Variants in UBE2G2 observed in about 807,000 individuals in gnomAD.
UBE2G2 encodes ubiquitin-conjugating enzyme E2 G2.
In UBE2G2, 10 loss-of-function variants were observed where a neutral mutation model predicts 23.0. The ratio of observed to expected loss-of-function variants is 0.43; its 90% CI spans 0.27 to 0.74. UBE2G2 has a LOEUF of 0.74. Among genes scored for constraint, UBE2G2 ranks in the 30% least tolerant of loss-of-function variants. The pLI is 0.19. For missense variants in UBE2G2, 150 were observed against 218.3 expected (o/e 0.69, Z 1.97); for synonymous variants, 86 against 81.3 (o/e 1.06, Z -0.31).
At chr21:44,777,269 A>G in intron 4 of UBE2G2, 30 bp downstream of exon 4, 3 of 1,579,968 alleles carry the variant, frequency 1.9e-6, no homozygotes, top group South Asian at 1.1e-5. Flanking sequence ...CTATCCTGGT[A>G]CCACAAAAAC....
At chr21:44,786,758 C>G (rs953176059) in intron 3 of UBE2G2, among the ~76,000 whole-genome samples, 4 of 152,142 alleles carry the variant, frequency 2.6e-5, no homozygotes, top group African/African-American at 9.7e-5. Flanking sequence ...AAAATCCAAC[C>G]CAAGACCTTG....
intron 4 of UBE2G2, chr21:44,777,003 C>T: frequency 3.5e-6 from 1 of 289,372 alleles, no homozygotes; most frequent in Non-Finnish European, 6.4e-6. Flanking sequence ...ATTAGCATAA[C>T]CCCTTCTGAG....
rs978829008 is a variant in UBE2G2 at position 44,773,927 on chromosome 21, G to A, written c.245-240C>T. 1.0e-4 allele frequency: 42 copies of A among 420,652 alleles called. 2 individuals are homozygous for A. The South Asian group carries it at 1.4e-3, about 14-fold the overall frequency. 26.1% of individuals were successfully genotyped at this position (420,652 alleles called of 1,614,324 possible). ...ACCCAGCCAGTTCTAATCAGCTGTCGTAGTCTAATCCACTTTCATATGAAT... is the reference window on the plus strand; with the variant it reads ...ACCCAGCCAGTTCTAATCAGCTGTCATAGTCTAATCCACTTTCATATGAAT... On this transcript the variant is annotated intron_variant, in intron 4 of 5. Coordinates refer to ENST00000345496, the MANE Select transcript of UBE2G2 (RefSeq NM_003343.6).
chr21:44,783,296 C>T (rs1366463773), intron 3 of UBE2G2, among the ~76,000 whole-genome samples: 3 of 152,228 alleles, frequency 2.0e-5, no homozygotes, highest in Non-Finnish European at 4.4e-5. Flanking sequence ...AACTGGAATG[C>T]TCATACACTG....
chr21:44,788,672 C>G (rs1569298891), intron 1 of UBE2G2, among the ~76,000 whole-genome samples: 1 of 151,810 alleles, frequency 6.6e-6, no homozygotes. Context: ...AAGGGGTACA[C>G]TGTCTTTCCA....
rs1025553830 is a variant in UBE2G2, at chr21:44,789,716, A to G, written c.44-1621T>C. On this transcript the variant is annotated intron_variant, in intron 1 of 5. Coordinates refer to ENST00000345496, the MANE Select transcript of UBE2G2 (RefSeq NM_003343.6). ...AATGGAGGCAGAGTTGAAAAGAGCC[A>G]CTGTCAGAGTCAACACGAATGATGC... Among the ~76,000 whole-genome samples the G allele has an allele frequency of 3.9e-5, 6 of 152,294 alleles. No homozygotes were observed. The East Asian group carries it at 1.2e-3, about 29-fold the overall frequency.
intron 3 of UBE2G2, chr21:44,779,110 A>T (rs1257188018): frequency 7.3e-6 from 2 of 273,360 alleles, no homozygotes; most frequent in Non-Finnish European, 1.5e-5. Context: ...GACAAAAATC[A>T]AAAAGAAACT....
chr21:44,799,943 C>G (rs1445075510), intron 1 of UBE2G2: 5 of 152,202 alleles, frequency 3.3e-5, no homozygotes, highest in African/African-American at 9.7e-5. Context: ...GTTGTTTTGT[C>G]TCAGGGAAGA....
At chr21:44,781,931 C>T (rs1229610193) in intron 3 of UBE2G2, among the ~76,000 whole-genome samples, 1 of 152,038 alleles carries the variant, frequency 6.6e-6, no homozygotes, top group Non-Finnish European at 1.5e-5. Context: ...TTATTTTTTG[C>T]AATATAGATG....
intron 1 of UBE2G2, among the ~76,000 whole-genome samples, chr21:44,795,684 C>T (rs544302459): frequency 5.9e-5 from 9 of 151,960 alleles, no homozygotes; most frequent in Admixed American, 1.3e-4. Flanking sequence ...CAACTGGCCA[C>T]GCGAAGTGTC....
intron 5 of UBE2G2, 40 bp downstream of exon 5, chr21:44,773,507 G>C (rs1555960169): frequency 6.3e-7 from 1 of 1,588,072 alleles, no homozygotes; most frequent in South Asian, 1.1e-5. Context: ...CTGCAGCCTG[G>C]GTGTCCACGG....
At chr21:44,778,419 T>C (rs1363186803) in intron 3 of UBE2G2, among the ~76,000 whole-genome samples, 1 of 152,238 alleles carries the variant, frequency 6.6e-6, no homozygotes, top group Non-Finnish European at 1.5e-5. Context: ...CCTGGACCTA[T>C]ACTTTCCTCA....
intron 3 of UBE2G2, among the ~76,000 whole-genome samples, chr21:44,778,948 A>G (rs931366154): frequency 6.6e-6 from 1 of 152,266 alleles, no homozygotes; most frequent in Admixed American, 6.5e-5. Flanking sequence ...CAGGAAAAAA[A>G]TAATTTAAAA....
At position 44,772,534 on chromosome 21, in the gene UBE2G2, T is replaced by C. The variant is rs2082881949; in HGVS notation, c.385+1013A>G. Among the ~76,000 whole-genome samples the C allele has an allele frequency of 6.6e-6, 1 of 152,144 alleles. No individual in the cohort carries two copies. Among genetic ancestry groups the C allele is most frequent in the South Asian group, 2.1e-4 (1 of 4,830 alleles). On this transcript the variant is annotated intron_variant, in intron 5 of 5. Transcript: ENST00000345496. This position sits in a 1 kb window ranked among gnomAD's most constrained non-coding sequence, Gnocchi z 5.4. ...CCTGGAAGACCCCTCCCTGCTATGC[T>C]GTCACCCTCCGTCCTACTCCATCAC... is the stretch of plus-strand genomic sequence containing the variant.
chr21:44,799,508 A>C (rs1168604090), intron 1 of UBE2G2, among the ~76,000 whole-genome samples: 1 of 152,162 alleles, frequency 6.6e-6, no homozygotes, highest in Admixed American at 6.5e-5. Flanking sequence ...TATTTACTTC[A>C]ATCTCATGAA....
intron 1 of UBE2G2, chr21:44,801,278 T>C: frequency 7.9e-6 from 8 of 1,007,506 alleles, no homozygotes; most frequent in Non-Finnish European, 9.5e-6. Flanking sequence ...AAAGCCAAAA[T>C]CTGACCTTTC....
At chr21:44,778,294 A>G (rs2082928643) in intron 3 of UBE2G2, among the ~76,000 whole-genome samples, 1 of 152,246 alleles carries the variant, frequency 6.6e-6, no homozygotes, top group Non-Finnish European at 1.5e-5. Context: ...AAGGCTAGGC[A>G]CACAGGCACC....
intron 5 of UBE2G2, among the ~76,000 whole-genome samples, chr21:44,773,122 C>T (rs1392426920): frequency 6.6e-6 from 1 of 152,112 alleles, no homozygotes; most frequent in African/African-American, 2.4e-5. Context: ...GGAAGTGGCC[C>T]GAGAGTCCCT....
Position 44,787,931 on chromosome 21 carries a change from C to G in UBE2G2, c.114G>C (p.Glu38Asp). 1.2e-6 allele frequency: 2 copies of G among 1,613,842 alleles called. No individual in the cohort carries two copies. Among genetic ancestry groups the G allele is most frequent in the Non-Finnish European group, 1.7e-6 (2 of 1,179,926 alleles). Residue 38 changes from glutamate to aspartate, a missense_variant, in exon 3 of 6, where the codon GAG becomes GAC. Transcript: ENST00000345496. ...TAAAATTAACTTACATGATCAATGCCTCCCATTCAAAAAAGTTCTCTTCAT... is the reference window on the plus strand; with the variant it reads ...TAAAATTAACTTACATGATCAATGCGTCCCATTCAAAAAAGTTCTCTTCAT... The part of the protein sequence containing the change: ...PMNEENFFEW[E>D]ALIMGPEDTC...
Sources: gnomAD v4.1 joint callset for allele counts (sites outside exome capture counted in the v4.1 genomes callset) on GRCh38, gnomAD v4.1.1 for gene constraint, Gnocchi (gnomAD v3.1) non-coding constraint, MANE v1.5 for transcripts, NCBI Gene and HGNC (gene_info 2026-07-23, HGNC 2026-07-21) for gene names.